The following JAZF1 variants were observed in gnomAD, a reference collection of about 807,000 sequenced individuals.
JAZF1 encodes juxtaposed with another zinc finger protein 1.
Under a neutral mutation model 26.4 loss-of-function variants are expected in JAZF1, and 8 were observed. The ratio of observed to expected loss-of-function variants is 0.30; its 90% CI spans 0.18 to 0.55. The LOEUF is 0.55. Ranked by LOEUF, JAZF1 falls within the 20% of genes least tolerant of loss-of-function variation. The probability of loss-of-function intolerance (pLI) is 0.94; values close to 1 mark genes in which losing one functional copy is unlikely to be tolerated. For missense variants in JAZF1, 199 were observed against 322.0 expected (o/e 0.62, Z 2.92); for synonymous variants, 126 against 122.3 (o/e 1.03, Z -0.20).
At chr7:28,054,603 C>T (rs1783668246) in intron 1 of JAZF1, among the ~76,000 whole-genome samples, 1 of 152,086 alleles carries the variant, frequency 6.6e-6, no homozygotes, top group Non-Finnish European at 1.5e-5. Flanking sequence ...CACACTAAAG[C>T]TACTTGTAAA....
At chr7:27,848,141 T>C (rs965131454) in intron 3 of JAZF1, among the ~76,000 whole-genome samples, 2 of 152,252 alleles carry the variant, frequency 1.3e-5, no homozygotes, top group African/African-American at 4.8e-5. Context: ...ATTCCATATG[T>C]CACTTTGGGT....
chr7:27,949,150 T>C (rs1784967528), intron 2 of JAZF1, among the ~76,000 whole-genome samples: 1 of 152,142 alleles, frequency 6.6e-6, no homozygotes, highest in Non-Finnish European at 1.5e-5. Context: ...ATAAATTCTG[T>C]AGAACAATAA....
rs949830283 is a variant in JAZF1, at chr7:27,840,309, A to G, written c.555+389T>C. Among the ~76,000 whole-genome samples the G allele has an allele frequency of 6.6e-5, 10 of 152,234 alleles. No homozygotes were observed. The highest frequency in any genetic ancestry group is 2.2e-4 in the African/African-American group (9 of 41,468). On this transcript the variant is annotated intron_variant, in intron 4 of 4. Coordinates refer to ENST00000283928, the MANE Select transcript of JAZF1 (RefSeq NM_175061.4). This position sits in a 1 kb window ranked among gnomAD's most constrained non-coding sequence, Gnocchi z 5.1. ...TACAACTTCAAAGTGGTCTCCCGTG[A>G]GCCATCTGTAGGGCCATCCGTTGGG...
At chr7:27,898,151 C>G (rs1052301639) in intron 2 of JAZF1, among the ~76,000 whole-genome samples, 1 of 151,972 alleles carries the variant, frequency 6.6e-6, no homozygotes, top group Non-Finnish European at 1.5e-5. Context: ...TGAGCACACA[C>G]GTGCCTCGTG....
Position 27,895,329 on chromosome 7 carries a change from C to T in JAZF1, c.276G>A (p.Val92=). 6.2e-7 allele frequency: 1 copy of T among 1,611,562 alleles called. No individual in the cohort carries two copies. The highest frequency in any genetic ancestry group is 8.5e-7 in the Non-Finnish European group (1 of 1,179,052). Residue 92 remains valine (V), a synonymous_variant, in exon 3 of 5, where the codon GTG becomes GTA. Transcript: ENST00000283928. Reference sequence around the variant, plus strand: ...GGGGAGTGGACACATTCCCTCGAGACACTGAGCTGGACAGAGTCAGCGAGA... The same window carrying T: ...GGGGAGTGGACACATTCCCTCGAGATACTGAGCTGGACAGAGTCAGCGAGA... The part of the protein sequence containing the change: ...PKLSLTLSSS[V]SRGNVSTPPR...
intron 1 of JAZF1, among the ~76,000 whole-genome samples, chr7:28,086,805 T>C (rs528580814): frequency 6.6e-6 from 1 of 152,272 alleles, no homozygotes; most frequent in East Asian, 1.9e-4. Context: ...AATTAATAAG[T>C]GTAAAGACTT....
intron 1 of JAZF1, among the ~76,000 whole-genome samples, chr7:28,128,136 T>C (rs921528327): frequency 2.0e-5 from 3 of 152,198 alleles, no homozygotes; most frequent in Non-Finnish European, 4.4e-5. Flanking sequence ...GATGTGATCA[T>C]AGTCCTGGTT....
At chr7:27,987,682 C>G (rs1785759406) in intron 2 of JAZF1, among the ~76,000 whole-genome samples, 1 of 152,270 alleles carries the variant, frequency 6.6e-6, no homozygotes, top group African/African-American at 2.4e-5. Context: ...GCCACCCCAT[C>G]TGGGAGGTGT....
intron 2 of JAZF1, among the ~76,000 whole-genome samples, chr7:27,986,711 GGC>G (rs1562550141): frequency 6.8e-6 from 1 of 147,976 alleles, no homozygotes; most frequent in African/African-American, 2.5e-5. Context: ...GCCGAGCTGA[GGC>G]TGGACTGTAC....
rs147478529 is a variant in JAZF1 at position 27,946,278 on chromosome 7, A to G, written c.188+45631T>C. On this transcript the variant is annotated intron_variant, in intron 2 of 4. Transcript: ENST00000283928. ...GTTTAAATCTGTAGTAAATTTGTTT[A>G]GTTTAAAAGGGAAATTAAATGTTCT... 8.1e-3 allele frequency among the ~76,000 whole-genome samples: 1,231 copies of G among 152,316 alleles called. 16 individuals are homozygous for G. The highest frequency in any genetic ancestry group is 0.027 in the African/African-American group (1,129 of 41,550).
At chr7:27,925,487 T>C (rs1040395443) in intron 2 of JAZF1, among the ~76,000 whole-genome samples, 1 of 152,284 alleles carries the variant, frequency 6.6e-6, no homozygotes, top group South Asian at 2.1e-4. Flanking sequence ...GCAGTGGCAG[T>C]CATAGCTCAT....
At chr7:28,123,251 C>T (rs1334995868) in intron 1 of JAZF1, among the ~76,000 whole-genome samples, 1 of 152,164 alleles carries the variant, frequency 6.6e-6, no homozygotes, top group Admixed American at 6.5e-5. Context: ...GCACCTCAAT[C>T]CCTACCACTC....
At chr7:28,099,367 T>C (rs1372395890) in intron 1 of JAZF1, among the ~76,000 whole-genome samples, 2 of 151,760 alleles carry the variant, frequency 1.3e-5, no homozygotes, top group Non-Finnish European at 2.9e-5. Flanking sequence ...CTTTTTTTTT[T>C]CTTTTTTTTT....
intron 3 of JAZF1, among the ~76,000 whole-genome samples, chr7:27,869,726 A>G (rs911652554): frequency 6.6e-6 from 1 of 152,172 alleles, no homozygotes; most frequent in African/African-American, 2.4e-5. Context: ...ACAAAAATAG[A>G]AACACGGCAA....
intron 2 of JAZF1, among the ~76,000 whole-genome samples, chr7:27,959,189 T>C (rs1160157960): frequency 6.6e-6 from 1 of 152,232 alleles, no homozygotes; most frequent in Non-Finnish European, 1.5e-5. Context: ...CAGATAAAGA[T>C]TTGACATCAG....
At chr7:27,995,372 G>T (rs1419938275) in intron 1 of JAZF1, among the ~76,000 whole-genome samples, 1 of 152,166 alleles carries the variant, frequency 6.6e-6, no homozygotes, top group East Asian at 1.9e-4. Context: ...GCTGTCAACA[G>T]CCACATAACA....
intron 1 of JAZF1, among the ~76,000 whole-genome samples, chr7:28,007,167 G>A (rs1021786793): frequency 7.9e-5 from 12 of 152,256 alleles, no homozygotes; most frequent in East Asian, 1.9e-4. Flanking sequence ...GATTGCCCAC[G>A]TCTGACTCTA....
Position 27,832,875 on chromosome 7 carries a change from A to G in JAZF1, c.657T>C (p.Ala219=), listed in dbSNP as rs1782733703. Residue 219 remains alanine, a synonymous_variant, in exon 5 of 5, where the codon GCT becomes GCC. Transcript: ENST00000283928. Reference sequence around the variant, plus strand: ...TGATTGTGTGGTGCCGCAGGCCCTGAGCTGTCTTGTAACTCTTCCCACAGC... The same window carrying G: ...TGATTGTGTGGTGCCGCAGGCCCTGGGCTGTCTTGTAACTCTTCCCACAGC... ...KCRCGKSYKT[A]QGLRHHTINF... The G allele has an allele frequency of 6.2e-7, 1 of 1,613,314 alleles. No homozygotes were observed.
intron 2 of JAZF1, among the ~76,000 whole-genome samples, chr7:27,902,788 G>A (rs1464872087): frequency 2.6e-5 from 4 of 152,086 alleles, no homozygotes; most frequent in Non-Finnish European, 5.9e-5. Context: ...AGGCCGAGAT[G>A]GGCAGATCAC....
Sources: allele counts gnomAD v4.1 joint callset (sites outside exome capture counted in the v4.1 genomes callset), GRCh38; gene constraint gnomAD v4.1.1; non-coding constraint Gnocchi (gnomAD v3.1); transcripts MANE v1.5; gene names NCBI Gene and HGNC (gene_info 2026-07-23, HGNC 2026-07-21).